Variants in MTMR8 observed in about 807,000 individuals in gnomAD.
The protein encoded by MTMR8 is phosphatidylinositol-3,5-bisphosphate 3-phosphatase MTMR8.
MTMR8 carries 65 observed loss-of-function variants against 39.3 expected under a neutral mutation model. The ratio of observed to expected loss-of-function variants is 1.65; its 90% confidence interval spans 1.35 to 2.03. MTMR8 has a LOEUF of 2.03. MTMR8 is among the 30% of genes most tolerant of loss of function. The probability of loss-of-function intolerance (pLI) is 0.00; values close to 1 mark genes in which losing one functional copy is unlikely to be tolerated. For synonymous variants in MTMR8, 245 were observed against 185.2 expected (o/e 1.32, Z -2.62); for missense variants, 777 against 538.9 (o/e 1.44, Z -4.37).
At chrX:64,395,115 C>G (rs1400095482) in intron 1 of MTMR8, among the ~76,000 whole-genome samples, 1 of 111,787 alleles carries the variant, frequency 8.9e-6, no homozygotes, top group Non-Finnish European at 1.9e-5. Flanking sequence ...CGTAAGGGGA[C>G]AGTGGTGCAG....
intron 12 of MTMR8, among the ~76,000 whole-genome samples, chrX:64,287,809 A>T (rs1288751447): frequency 9.4e-6 from 1 of 106,412 alleles, no homozygotes; most frequent in Non-Finnish European, 1.9e-5. Flanking sequence ...TTATACAAAA[A>T]TTAATTCAAG....
chrX:64,340,557 G>A (rs1051202115), intron 8 of MTMR8, among the ~76,000 whole-genome samples: 3 of 111,670 alleles, frequency 2.7e-5, no homozygotes, highest in Admixed American at 9.5e-5. Context: ...GGGACAATGA[G>A]TAATCTTTGT....
chrX:64,268,984 G>A lies in MTMR8; in HGVS notation c.1668C>T (p.Asn556=), dbSNP rs1332513597. Residue 556 remains asparagine (N), a synonymous_variant, in exon 14 of 14, where the codon AAC becomes AAT. Coordinates refer to ENST00000374852, the MANE Select transcript of MTMR8 (RefSeq NM_017677.4). ...GACTTCCCAGATGCTGGGATAATAT[G>A]TTTCCTAATTGAGAGCAGGTACAGA... ...EEICTCSQLG[N]ILSQHLGSPL... is the part of the protein sequence containing the mutation. The A allele has an allele frequency of 8.3e-7, 1 of 1,209,875 alleles. No homozygotes were observed. The highest frequency in any genetic ancestry group is 1.7e-5 in the African/African-American group (1 of 57,182).
At chrX:64,325,874 T>G (rs184486437) in intron 12 of MTMR8, among the ~76,000 whole-genome samples, 70 of 111,748 alleles carry the variant, frequency 6.3e-4, no homozygotes, top group African/African-American at 2.0e-3. Context: ...GACATGAGTG[T>G]ATACAGTTGG....
At chrX:64,369,683 C>A (rs979237450) in intron 1 of MTMR8, among the ~76,000 whole-genome samples, 2 of 110,971 alleles carry the variant, frequency 1.8e-5, no homozygotes, top group African/African-American at 3.3e-5. Flanking sequence ...TTGATGGGTG[C>A]AGCAAACCAA....
chrX:64,278,812 T>G (rs745908364), intron 12 of MTMR8, among the ~76,000 whole-genome samples: 44 of 111,377 alleles, frequency 4.0e-4, no homozygotes, highest in Middle Eastern at 9.2e-3. Flanking sequence ...GTTTTCCTTC[T>G]AAAAGTCAGG....
At chrX:64,289,663 T>TAAAAAAAAAAAAAA (rs1921332572) in intron 12 of MTMR8, among the ~76,000 whole-genome samples, 1 of 83,008 alleles carries the variant, frequency 1.2e-5, no homozygotes, top group African/African-American at 7.4e-5. Context: ...AAAAAAAAAT[T>TAAAAAAAAAAAAAA]AAGTTGGGAG....
At chrX:64,318,279 T>C (rs1485107661) in intron 12 of MTMR8, among the ~76,000 whole-genome samples, 2 of 112,617 alleles carry the variant, frequency 1.8e-5, no homozygotes, top group South Asian at 3.6e-4. Flanking sequence ...GCCAGAAATC[T>C]AGACTCCTGA....
chrX:64,273,285 A>T (rs1477027342), intron 12 of MTMR8, among the ~76,000 whole-genome samples: 1 of 111,260 alleles, frequency 9.0e-6, no homozygotes, highest in Admixed American at 9.6e-5. Flanking sequence ...GTAAACTTTG[A>T]CATGAATAAC....
Position 64,299,062 on chromosome X carries a change from C to T in MTMR8, c.1482-27989G>A, listed in dbSNP as rs1483667085. 1.9e-3 allele frequency among the ~76,000 whole-genome samples: 120 copies of T among 63,749 alleles called. 1 individual carries two copies. Among genetic ancestry groups the T allele is most frequent in the Non-Finnish European group, 2.5e-3 (95 of 38,065 alleles). The allele number at this position is 63,749 out of a possible 115,157, so 55.4% of individuals were successfully genotyped here. On this transcript the variant is annotated intron_variant, in intron 12 of 13. Transcript: ENST00000374852. ...TCTCTTTTTTGGTTGTGTCTCTGCC[C>T]GGCTTTGGTATCAGAATGATGCTGG... is the stretch of plus-strand genomic sequence containing the variant.
intron 12 of MTMR8, among the ~76,000 whole-genome samples, chrX:64,304,473 T>C (rs750411992): frequency 9.0e-6 from 1 of 111,677 alleles, no homozygotes; most frequent in Non-Finnish European, 1.9e-5. Context: ...AGCCAGACAT[T>C]CATTCAACAT....
Position 64,279,180 on chromosome X carries a change from C to A in MTMR8, c.1482-8107G>T, listed in dbSNP as rs145678872. 7.1e-3 allele frequency among the ~76,000 whole-genome samples: 789 copies of A among 111,898 alleles called. 8 individuals are homozygous for A. The highest frequency in any genetic ancestry group is 0.024 in the African/African-American group (746 of 30,791). On this transcript the variant is annotated intron_variant, in intron 12 of 13. Transcript: ENST00000374852. Reference sequence around the variant, plus strand: ...GAAGCTGTGCCCAAAGCCACCCCTTCCCCCTAACACTTCTCAAATTATTTC... The same window carrying A: ...GAAGCTGTGCCCAAAGCCACCCCTTACCCCTAACACTTCTCAAATTATTTC...
At chrX:64,334,981 C>A (rs1036804544) in intron 10 of MTMR8, among the ~76,000 whole-genome samples, 7 of 111,592 alleles carry the variant, frequency 6.3e-5, no homozygotes, top group Non-Finnish European at 1.3e-4. Flanking sequence ...TTCTCAATAC[C>A]TAACATAATG....
At chrX:64,352,788 T>C (rs997722698) in intron 4 of MTMR8, among the ~76,000 whole-genome samples, 2 of 111,678 alleles carry the variant, frequency 1.8e-5, no homozygotes, top group Non-Finnish European at 3.8e-5. Flanking sequence ...ATTGCCTTAG[T>C]TCAGGTTCTC....
chrX:64,344,188 G>A (rs1923290880), intron 7 of MTMR8, among the ~76,000 whole-genome samples: 2 of 111,148 alleles, frequency 1.8e-5, no homozygotes, highest in Admixed American at 1.9e-4. Context: ...TAATTATCCA[G>A]CAGAGGGAAA....
intron 1 of MTMR8, among the ~76,000 whole-genome samples, chrX:64,365,601 C>T (rs1027139355): frequency 9.9e-5 from 11 of 111,646 alleles, no homozygotes; most frequent in African/African-American, 3.6e-4. Flanking sequence ...ACAAGGGCTC[C>T]TGAAGGAAGC....
chrX:64,326,931 G>A (rs1412679188), intron 12 of MTMR8, among the ~76,000 whole-genome samples: 1 of 110,167 alleles, frequency 9.1e-6, no homozygotes, highest in Non-Finnish European at 1.9e-5. Context: ...AAACATTGGG[G>A]AAAATACAAT....
intron 12 of MTMR8, among the ~76,000 whole-genome samples, chrX:64,287,714 G>A (rs1921237930): frequency 9.2e-6 from 1 of 109,268 alleles, no homozygotes; most frequent in Non-Finnish European, 1.9e-5. Context: ...AAGCAATGGG[G>A]AAAGGATTCC....
rs749879321 is a variant in MTMR8, at chrX:64,289,636, C to CAAAAAAAAAAAAAAAAA, written c.1482-18580_1482-18564dup. ...TGGGTGACAGAGTGAGACTCCATCG[C>CAAAAAAAAAAAAAAAAA]AAAAAAAAAAAAAAAAAAAAAAAAA... On this transcript the variant is annotated intron_variant, in intron 12 of 13. Transcript: ENST00000374852. 1.1e-3 allele frequency among the ~76,000 whole-genome samples: 29 copies of CAAAAAAAAAAAAAAAAA among 26,410 alleles called. 1 individual carries two copies. Among genetic ancestry groups the CAAAAAAAAAAAAAAAAA allele is most frequent in the African/African-American group, 2.9e-3 (28 of 9,745 alleles). 22.9% of individuals were successfully genotyped at this position (26,410 alleles called of 115,157 possible).
Sources: allele counts gnomAD v4.1 joint callset (sites outside exome capture counted in the v4.1 genomes callset), GRCh38; gene constraint gnomAD v4.1.1; transcripts MANE v1.5; gene names NCBI Gene and HGNC (gene_info 2026-07-23, HGNC 2026-07-21).